SPOCK1: variants seen among roughly 807,000 people sequenced by gnomAD.
The protein encoded by SPOCK1 is testican-1.
SPOCK1 carries 23 observed loss-of-function variants against 55.3 expected under a neutral mutation model. The ratio of observed to expected loss-of-function variants is 0.42; its 90% CI spans 0.30 to 0.59. The LOEUF (loss-of-function observed/expected upper bound fraction) is 0.59. Ranked by LOEUF, SPOCK1 falls within the 20% of genes least tolerant of loss-of-function variation. The pLI is 0.22. For missense variants in SPOCK1, 499 were observed against 552.5 expected (o/e 0.90, Z 0.97); for synonymous variants, 226 against 221.0 (o/e 1.02, Z -0.20).
chr5:137,194,874 G>C (rs975677162), intron 3 of SPOCK1, among the ~76,000 whole-genome samples: 2 of 152,210 alleles, frequency 1.3e-5, no homozygotes, highest in African/African-American at 4.8e-5. Context: ...AGAGCCTTCA[G>C]ATAAAGGATG....
chr5:137,491,424 A>G (rs1231181342), intron 2 of SPOCK1, among the ~76,000 whole-genome samples: 1 of 152,192 alleles, frequency 6.6e-6, no homozygotes, highest in Non-Finnish European at 1.5e-5. Context: ...TCACTCTGCC[A>G]TGACAGCCCT....
chr5:137,072,637 G>A (rs1752642512), intron 5 of SPOCK1, among the ~76,000 whole-genome samples: 1 of 152,182 alleles, frequency 6.6e-6, no homozygotes, highest in Non-Finnish European at 1.5e-5. Context: ...GATTTGTAAA[G>A]CACAGCTAAC....
At chr5:137,212,463 T>A (rs534596671) in intron 3 of SPOCK1, among the ~76,000 whole-genome samples, 1 of 152,330 alleles carries the variant, frequency 6.6e-6, no homozygotes, top group South Asian at 2.1e-4. Context: ...AAACCATAAT[T>A]CTTTCCAGAT....
intron 3 of SPOCK1, among the ~76,000 whole-genome samples, chr5:137,143,923 G>A (rs1754145650): frequency 6.6e-6 from 1 of 152,334 alleles, no homozygotes; most frequent in Middle Eastern, 3.4e-3. Flanking sequence ...CTTGAAGCAT[G>A]AGAATCTCCT....
intron 2 of SPOCK1, among the ~76,000 whole-genome samples, chr5:137,288,038 A>G (rs1268598918): frequency 2.6e-5 from 4 of 152,228 alleles, no homozygotes; most frequent in African/African-American, 7.2e-5. Flanking sequence ...TCCCCTCCAA[A>G]TGACAAATAA....
intron 2 of SPOCK1, among the ~76,000 whole-genome samples, chr5:137,474,775 A>G (rs1753804220): frequency 1.3e-5 from 2 of 152,212 alleles, no homozygotes; most frequent in African/African-American, 4.8e-5. Context: ...GTAATCACTG[A>G]ACTGAAAGAA....
chr5:137,040,138 T>C (rs1229808694), intron 6 of SPOCK1, among the ~76,000 whole-genome samples: 2 of 152,208 alleles, frequency 1.3e-5, no homozygotes, highest in African/African-American at 4.8e-5. Context: ...CACTAGGTGG[T>C]GATGCCCGCA....
chr5:137,137,558 A>T (rs1008165228), intron 4 of SPOCK1, among the ~76,000 whole-genome samples: 12 of 152,218 alleles, frequency 7.9e-5, no homozygotes, highest in African/African-American at 2.9e-4. Flanking sequence ...CCAGATCTTG[A>T]TAAAGGAGTG....
At chr5:137,205,795 A>G (rs1313695673) in intron 3 of SPOCK1, among the ~76,000 whole-genome samples, 2 of 152,242 alleles carry the variant, frequency 1.3e-5, no homozygotes, top group African/African-American at 4.8e-5. Flanking sequence ...GAATTAAAGA[A>G]AAAAGGAACA....
rs1750613757 is a variant in SPOCK1 at position 136,976,251 on chromosome 5, A to G, written c.*2403T>C. 1 of 152,304 alleles carries G rather than the reference A, an allele frequency of 6.6e-6. No individual in the cohort carries two copies. Among genetic ancestry groups the G allele is most frequent in the South Asian group, 2.1e-4 (1 of 4,828 alleles). 9.4% of individuals were successfully genotyped at this position (152,304 alleles called of 1,614,324 possible). A position where few individuals can be genotyped will look rare whatever the true frequency, so the allele number is the denominator to read the frequency against. ...GTGGCTCCATCGATTTGGGGGTTCCAATCTGAGGAGGGCTTTTTATTTAAT... is the reference window on the plus strand; with the variant it reads ...GTGGCTCCATCGATTTGGGGGTTCCGATCTGAGGAGGGCTTTTTATTTAAT... On this transcript the variant is annotated 3_prime_UTR_variant, in exon 11 of 11. Transcript: ENST00000394945.
intron 6 of SPOCK1, among the ~76,000 whole-genome samples, chr5:137,065,164 G>A (rs558489835): frequency 4.1e-5 from 6 of 147,190 alleles, no homozygotes; most frequent in Non-Finnish European, 8.9e-5. Flanking sequence ...GGAGGCAGAG[G>A]TTGCAGTGAG....
chr5:137,074,853 C>T (rs947859148), intron 5 of SPOCK1, among the ~76,000 whole-genome samples: 8 of 151,994 alleles, frequency 5.3e-5, no homozygotes, highest in Non-Finnish European at 8.8e-5. Flanking sequence ...TACAGGCACC[C>T]GCCACCACGC....
At chr5:137,312,597 CA>C (rs1162929894) in intron 2 of SPOCK1, among the ~76,000 whole-genome samples, 2 of 151,964 alleles carry the variant, frequency 1.3e-5, no homozygotes, top group African/African-American at 2.4e-5. Flanking sequence ...CAAGAAGTGC[CA>C]ATGCAGGAGC....
intron 3 of SPOCK1, among the ~76,000 whole-genome samples, chr5:137,225,209 C>A (rs1198592530): frequency 6.6e-6 from 1 of 151,962 alleles, no homozygotes; most frequent in Non-Finnish European, 1.5e-5. Flanking sequence ...TGGCCAAGTG[C>A]AGAACTGGGC....
intron 3 of SPOCK1, among the ~76,000 whole-genome samples, chr5:137,234,058 ACATCCTGAGTG>A (rs1170898972): frequency 6.6e-6 from 1 of 152,116 alleles, no homozygotes; most frequent in African/African-American, 2.4e-5. Context: ...GGATGAGAAG[ACATCCTGAGTG>A]CCCTCTGCCA....
chr5:137,485,577 G>GA (rs1364558820), intron 2 of SPOCK1, among the ~76,000 whole-genome samples: 2 of 152,140 alleles, frequency 1.3e-5, no homozygotes, highest in African/African-American at 2.4e-5. Flanking sequence ...GTGTACCTGA[G>GA]AAAAATGTGT....
chr5:137,096,743 T>G (rs1753154673), intron 5 of SPOCK1, among the ~76,000 whole-genome samples: 1 of 151,692 alleles, frequency 6.6e-6, no homozygotes, highest in Non-Finnish European at 1.5e-5. Flanking sequence ...TTAAAAAAAT[T>G]TTTTAAAGAA....
intron 3 of SPOCK1, among the ~76,000 whole-genome samples, chr5:137,198,011 T>C (rs1185153285): frequency 6.6e-6 from 1 of 152,216 alleles, no homozygotes; most frequent in Non-Finnish European, 1.5e-5. Context: ...ACCACCCCCC[T>C]ATAGACATAA....
At chr5:137,039,270 C>CTCT (rs1751943472) in intron 6 of SPOCK1, among the ~76,000 whole-genome samples, 1 of 88,900 alleles carries the variant, frequency 1.1e-5, no homozygotes, top group Non-Finnish European at 2.2e-5. Context: ...GCCTGCCACA[C>CTCT]TTTTTTTTTT....
Sources: gnomAD v4.1 joint callset for allele counts (sites outside exome capture counted in the v4.1 genomes callset) on GRCh38, gnomAD v4.1.1 for gene constraint, MANE v1.5 for transcripts, NCBI Gene and HGNC (gene_info 2026-07-23, HGNC 2026-07-21) for gene names.